FMOD: variants seen among roughly 807,000 people sequenced by gnomAD.
FMOD encodes fibromodulin.
In FMOD, 15 loss-of-function variants were observed where a neutral mutation model predicts 27.0. The observed-to-expected ratio is 0.55, with a 90% CI of 0.37 to 0.85. FMOD has a LOEUF of 0.85. Ranked by LOEUF, FMOD falls within the 40% of genes least tolerant of loss-of-function variation. FMOD has a pLI of 0.00. For synonymous variants in FMOD, 210 were observed against 214.0 expected (o/e 0.98, Z 0.16); for missense variants, 460 against 483.2 (o/e 0.95, Z 0.45).
In FMOD at chr1:203,340,771, C is replaced by T. The variant is rs2102299666; in HGVS notation, c.*1572G>A. Reference sequence around the variant, plus strand: ...GGGCAGGGGGCAGCCTTGCCCCTCACATCGGAGCTCCTTTGTTGAAATGAG... The same window carrying T: ...GGGCAGGGGGCAGCCTTGCCCCTCATATCGGAGCTCCTTTGTTGAAATGAG... On this transcript the variant is annotated 3_prime_UTR_variant, in exon 3 of 3. Coordinates refer to ENST00000354955, the MANE Select transcript of FMOD (RefSeq NM_002023.5). 6.6e-6 allele frequency: 1 copy of T among 152,286 alleles called. No homozygotes were observed. The highest frequency in any genetic ancestry group is 1.9e-4 in the East Asian group (1 of 5,206). 9.4% of individuals were successfully genotyped at this position (152,286 alleles called of 1,614,324 possible). A position where few individuals can be genotyped will look rare whatever the true frequency, so the allele number is the denominator to read the frequency against.
rs746125671 is a variant in FMOD at position 203,347,556 on chromosome 1, G to C, written c.715C>G (p.Pro239Ala). 2.5e-6 allele frequency: 4 copies of C among 1,614,156 alleles called. No individual in the cohort carries two copies. Among genetic ancestry groups the C allele is most frequent in the Non-Finnish European group, 3.4e-6 (4 of 1,180,018 alleles). The change falls in exon 2 of 3, where the codon CCT becomes GCT. Residue 239 changes from proline (P) to alanine (A), a missense_variant. Coordinates refer to ENST00000354955, the MANE Select transcript of FMOD (RefSeq NM_002023.5). ...TCAAGAGCTGAGGGCAGCCCATCAG[G>C]CACCTTCCGAAGGTGGTTATAACTC... ...DLSYNHLRKV[P>A]DGLPSALEQL...
intron 2 of FMOD, among the ~76,000 whole-genome samples, chr1:203,343,193 T>C (rs1658827177): frequency 1.3e-5 from 2 of 152,208 alleles, no homozygotes; most frequent in South Asian, 4.1e-4. Context: ...ATGATTACAA[T>C]CTACTCCCTT....
rs1271934188 is a variant in FMOD, at chr1:203,348,245, A to AGCAGCAGGAGGGAGGTCCACTGCATTT, written c.-2_25dup (p.Leu8_Leu9insGlnMetGlnTrpThrSerLeuLeuLeu). On this transcript the variant is annotated inframe_insertion, in exon 2 of 3. Coordinates refer to ENST00000354955, the MANE Select transcript of FMOD (RefSeq NM_002023.5). ...CTGGGAGAGGGAGAAGAGCCCTGCC[A>AGCAGCAGGAGGGAGGTCCACTGCATTT]GCAGCAGGAGGGAGGTCCACTGCAT... is the stretch of plus-strand genomic sequence containing the variant. The AGCAGCAGGAGGGAGGTCCACTGCATTT allele has an allele frequency of 6.2e-7, 1 of 1,613,958 alleles. No homozygotes were observed. The highest frequency in any genetic ancestry group is 1.1e-5 in the South Asian group (1 of 91,082).
chr1:203,349,632 G>A (rs755656853), intron 1 of FMOD, among the ~76,000 whole-genome samples: 5 of 152,182 alleles, frequency 3.3e-5, no homozygotes, highest in Non-Finnish European at 5.9e-5. Flanking sequence ...GTCACATACA[G>A]CCCTCACATT....
chr1:203,350,330 T>A (rs979961973), intron 1 of FMOD, among the ~76,000 whole-genome samples: 6 of 152,202 alleles, frequency 3.9e-5, no homozygotes, highest in African/African-American at 1.4e-4. Context: ...GGCCCTCCTG[T>A]GCTCAGAGTT....
chr1:203,342,589 A>C, intron 2 of FMOD, 95 bp from the exon 3 acceptor site: 2 of 1,291,668 alleles, frequency 1.5e-6, no homozygotes, highest in Non-Finnish European at 2.1e-6. Flanking sequence ...AGCTTAGATA[A>C]AGGGGTGGAA....
intron 2 of FMOD, among the ~76,000 whole-genome samples, chr1:203,343,925 T>C (rs950396243): frequency 2.0e-5 from 3 of 152,208 alleles, no homozygotes; most frequent in African/African-American, 7.2e-5. Flanking sequence ...TGCAGCAAAT[T>C]AACTTGTATT....
chr1:203,346,473 T>G (rs2102303480), intron 2 of FMOD, among the ~76,000 whole-genome samples: 1 of 143,360 alleles, frequency 7.0e-6, no homozygotes, highest in South Asian at 2.3e-4. Context: ...GAAATGAATA[T>G]TTCTTAGAGT....
Position 203,342,277 on chromosome 1 carries a change from G to A in FMOD, c.*66C>T, listed in dbSNP as rs1439787158. The A allele has an allele frequency of 6.4e-7, 1 of 1,558,490 alleles. No individual in the cohort carries two copies. ...GTCCATCCTGGACCTTCCAGCAAAA[G>A]CCAAACCAAACCATCAAGCCAAATG... On this transcript the variant is annotated 3_prime_UTR_variant, in exon 3 of 3. Coordinates refer to ENST00000354955, the MANE Select transcript of FMOD (RefSeq NM_002023.5).
intron 1 of FMOD, among the ~76,000 whole-genome samples, chr1:203,349,869 G>A (rs1384024191): frequency 6.6e-6 from 1 of 152,204 alleles, no homozygotes; most frequent in Non-Finnish European, 1.5e-5. Context: ...AGGCACCCTG[G>A]CTCATCCACA....
rs534596779 is a variant in FMOD, at chr1:203,347,693, T to A, written c.578A>T (p.Asn193Ile). The A allele has an allele frequency of 4.3e-6, 7 of 1,614,090 alleles. No individual in the cohort carries two copies. ...GTTCTCCAGCCCCTCCAGAGCATTG[T>A]TGGGGACCCGTGAGATCTGGTTGTG... The part of the protein sequence containing the change: ...LDHNQISRVP[N>I]NALEGLENLT... Residue 193 changes from asparagine (N) to isoleucine (I), a missense_variant, in exon 2 of 3, where the codon AAC (asparagine) becomes ATC (isoleucine). By Grantham distance (149) the Asn-to-Ile change is moderately radical. Coordinates refer to ENST00000354955, the MANE Select transcript of FMOD (RefSeq NM_002023.5).
chr1:203,342,188 C>T lies in FMOD; in HGVS notation c.*155G>A, dbSNP rs1658806365. On this transcript the variant is annotated 3_prime_UTR_variant, in exon 3 of 3. Coordinates refer to ENST00000354955, the MANE Select transcript of FMOD (RefSeq NM_002023.5). ...GCAGAAGGCTGCCTGTCCCTGATCGCCCCCCCTAACCCCACCTACAGGAAA... is the reference window on the plus strand; with the variant it reads ...GCAGAAGGCTGCCTGTCCCTGATCGTCCCCCCTAACCCCACCTACAGGAAA... 1.2e-6 allele frequency: 1 copy of T among 851,102 alleles called. No individual in the cohort carries two copies. Among genetic ancestry groups the T allele is most frequent in the Admixed American group, 3.1e-5 (1 of 32,212 alleles). 52.7% of individuals were successfully genotyped at this position (851,102 alleles called of 1,614,324 possible).
At chr1:203,344,790 T>C (rs1373003178) in intron 2 of FMOD, among the ~76,000 whole-genome samples, 1 of 152,174 alleles carries the variant, frequency 6.6e-6, no homozygotes, top group East Asian at 1.9e-4. Flanking sequence ...GGGGCTGAGC[T>C]TGGGGAGCTG....
At position 203,347,458 on chromosome 1, in the gene FMOD, C is replaced by G. The variant is rs767088977; in HGVS notation, c.813G>C (p.Leu271=). ...GACTGTTGTGGGACAGCCGCACATA[C>G]AGCAGCTTGGGCGCCCCCCGGAAGT... ...DSYFRGAPKL[L]YVRLSHNSLT... The change falls in exon 2 of 3, where the codon CTG becomes CTC. Residue 271 remains leucine, a synonymous_variant. Transcript: ENST00000354955. 6.2e-7 allele frequency: 1 copy of G among 1,614,110 alleles called. No individual in the cohort carries two copies. Among genetic ancestry groups the G allele is most frequent in the South Asian group, 1.1e-5 (1 of 91,074 alleles).
chr1:203,347,719 G>C lies in FMOD; in HGVS notation c.552C>G (p.Asp184Glu), dbSNP rs776335168. The change falls in exon 2 of 3, where the codon GAC becomes GAG. Residue 184 changes from aspartate to glutamate, a missense_variant. Coordinates refer to ENST00000354955, the MANE Select transcript of FMOD (RefSeq NM_002023.5). ...TGGGGACCCGTGAGATCTGGTTGTG[G>C]TCGAGATGGAGCTCTCTCAGGGATC... is the stretch of plus-strand genomic sequence containing the variant. ...LPRSLRELHL[D>E]HNQISRVPNN... The C allele has an allele frequency of 6.2e-7, 1 of 1,614,026 alleles. No homozygotes were observed. Among genetic ancestry groups the C allele is most frequent in the Non-Finnish European group, 8.5e-7 (1 of 1,180,026 alleles).
intron 2 of FMOD, among the ~76,000 whole-genome samples, chr1:203,345,636 T>C (rs57063050): frequency 0.01 from 1,525 of 152,270 alleles, 29 homozygotes; most frequent in African/African-American, 0.035. Context: ...CGGTGGCTCA[T>C]GCCTGTAATC....
At chr1:203,344,905 G>T (rs1382290726) in intron 2 of FMOD, among the ~76,000 whole-genome samples, 2 of 152,136 alleles carry the variant, frequency 1.3e-5, no homozygotes, top group Non-Finnish European at 2.9e-5. Context: ...ACATCATCTG[G>T]AGGACTTTGA....
intron 2 of FMOD, among the ~76,000 whole-genome samples, chr1:203,346,542 G>T (rs1658891494): frequency 6.6e-6 from 1 of 150,966 alleles, no homozygotes; most frequent in Non-Finnish European, 1.5e-5. Context: ...TTATGAAACA[G>T]GAAGCCCAGT....
At chr1:203,346,765 G>A (rs10800913) in intron 2 of FMOD, among the ~76,000 whole-genome samples, 128,055 of 152,112 alleles carry the variant, frequency 0.84, 54,203 homozygotes, top group Non-Finnish European at 0.89. Context: ...GTGAGTAAGT[G>A]CAGGGCTTCA....
Sources: allele counts gnomAD v4.1 joint callset (sites outside exome capture counted in the v4.1 genomes callset), GRCh38; gene constraint gnomAD v4.1.1; transcripts MANE v1.5; gene names NCBI Gene and HGNC (gene_info 2026-07-23, HGNC 2026-07-21).